The following DNAJB6 variants were observed in gnomAD, a reference collection of about 807,000 sequenced individuals.
DNAJB6 encodes DnaJ heat shock protein family (Hsp40) member B6.
Under a neutral mutation model 42.7 loss-of-function variants are expected in DNAJB6, and 16 were observed. The ratio of observed to expected loss-of-function variants is 0.37; its 90% CI spans 0.25 to 0.57. DNAJB6 has a LOEUF of 0.57. DNAJB6 is among the 20% of genes least tolerant of loss of function. DNAJB6 has a pLI of 0.74. For missense variants in DNAJB6, 347 were observed against 416.8 expected (o/e 0.83, Z 1.46); for synonymous variants, 170 against 163.5 (o/e 1.04, Z -0.30).
chr7:157,382,358 A>C lies in DNAJB6; in HGVS notation c.459A>C (p.Gly153=), dbSNP rs765102730. ...AFSGFPSFGS[G]FSSFDTGFTS... ...GTGGATTTCCGTCTTTTGGAAGTGGATTTTCTTCTTTTGATACAGGTATTA... is the reference window on the plus strand; with the variant it reads ...GTGGATTTCCGTCTTTTGGAAGTGGCTTTTCTTCTTTTGATACAGGTATTA... Residue 153 remains glycine (G), a synonymous_variant, in exon 6 of 10, where the codon GGA becomes GGC. Transcript: ENST00000262177. 3.1e-6 allele frequency: 5 copies of C among 1,593,134 alleles called. No individual in the cohort carries two copies. The Admixed American group carries it at 8.5e-5, about 27-fold the overall frequency.
At chr7:157,356,447 C>G (rs1799280757) in intron 1 of DNAJB6, among the ~76,000 whole-genome samples, 1 of 152,200 alleles carries the variant, frequency 6.6e-6, no homozygotes, top group African/African-American at 2.4e-5. Flanking sequence ...CGACTCCTGT[C>G]TTTTCTCTAG....
chr7:157,359,456 T>G (rs1799469714), intron 2 of DNAJB6, among the ~76,000 whole-genome samples: 3 of 152,180 alleles, frequency 2.0e-5, no homozygotes, highest in African/African-American at 7.2e-5. Context: ...CAAGCGATTC[T>G]CTTGCCTTGG....
intron 8 of DNAJB6, among the ~76,000 whole-genome samples, chr7:157,401,261 T>C (rs10224605): frequency 0.48 from 73,021 of 151,938 alleles, 18,239 homozygotes; most frequent in African/African-American, 0.63. Flanking sequence ...CTCTGTTGCC[T>C]AGCCTGGAGT....
Position 157,367,973 on chromosome 7 carries a change from C to G in DNAJB6, c.346+490C>G, listed in dbSNP as rs1228032956. On this transcript the variant is annotated intron_variant, in intron 5 of 9. Coordinates refer to ENST00000262177, the MANE Select transcript of DNAJB6 (RefSeq NM_058246.4). ...TGTCTCAACAACAACAAAAAAAATACTAAAAATTAGCTGAGTGTGGTGGCG... is the reference window on the plus strand; with the variant it reads ...TGTCTCAACAACAACAAAAAAAATAGTAAAAATTAGCTGAGTGTGGTGGCG... 2.6e-5 allele frequency among the ~76,000 whole-genome samples: 4 copies of G among 151,572 alleles called. No homozygotes were observed. In the East Asian group the frequency reaches 7.8e-4, roughly 29 times the overall value.
At chr7:157,339,575 A>G (rs376553969) in intron 1 of DNAJB6, among the ~76,000 whole-genome samples, 8 of 151,336 alleles carry the variant, frequency 5.3e-5, no homozygotes, top group African/African-American at 1.9e-4. Context: ...CTGGGATTAC[A>G]GGCATGAGCC....
chr7:157,395,947 A>ATT (rs60935303), intron 8 of DNAJB6, among the ~76,000 whole-genome samples: 9 of 62,882 alleles, frequency 1.4e-4, no homozygotes, highest in South Asian at 5.9e-4. Flanking sequence ...TGAGCCTGTA[A>ATT]TTTTTTTTTT....
chr7:157,390,769 T>C (rs1346638837), intron 8 of DNAJB6, among the ~76,000 whole-genome samples: 2 of 152,154 alleles, frequency 1.3e-5, no homozygotes, highest in South Asian at 2.1e-4. Context: ...TAATTGATAA[T>C]GGCGTGTGGG....
At chr7:157,345,202 C>T (rs1025265408) in intron 1 of DNAJB6, among the ~76,000 whole-genome samples, 2 of 152,128 alleles carry the variant, frequency 1.3e-5, no homozygotes, top group African/African-American at 4.8e-5. Context: ...CCATGTTGTC[C>T]AGACTGGTCT....
chr7:157,403,192 GAA>G (rs1169573385), intron 8 of DNAJB6, among the ~76,000 whole-genome samples: 102 of 152,298 alleles, frequency 6.7e-4, no homozygotes, highest in African/African-American at 2.3e-3. Flanking sequence ...GCCTTTCACT[GAA>G]TACACAATCC....
intron 1 of DNAJB6, among the ~76,000 whole-genome samples, chr7:157,351,793 G>A (rs1344937279): frequency 6.7e-6 from 1 of 150,278 alleles, no homozygotes; most frequent in East Asian, 2.0e-4. Flanking sequence ...GTGAAACCCT[G>A]TGTCTACTTT....
At position 157,363,204 on chromosome 7, in the gene DNAJB6, G is replaced by A. The variant is rs1426889039; in HGVS notation, c.109G>A (p.Glu37Lys). The A allele has an allele frequency of 6.2e-7, 1 of 1,611,456 alleles. No homozygotes were observed. ...GAAGTGGCATCCAGATAAAAATCCT[G>A]AGAATAAAGAAGAAGCAGAGAGAAA... ...ALKWHPDKNP[E>K]NKEEAERKFK... is the part of the protein sequence containing the mutation. The change falls in exon 3 of 10, where the codon GAG (glutamate) becomes AAG (lysine). Residue 37 changes from glutamate (E) to lysine (K), a missense_variant. Coordinates refer to ENST00000262177, the MANE Select transcript of DNAJB6 (RefSeq NM_058246.4).
chr7:157,338,955 C>G (rs899721371), intron 1 of DNAJB6, among the ~76,000 whole-genome samples: 1 of 152,172 alleles, frequency 6.6e-6, no homozygotes, highest in Non-Finnish European at 1.5e-5. Context: ...GAGATGAGTT[C>G]AGCACTCTCT....
intron 5 of DNAJB6, chr7:157,369,017 A>C: frequency 2.8e-6 from 1 of 356,440 alleles, no homozygotes; most frequent in Non-Finnish European, 5.5e-6. Context: ...TTGTTCTTAC[A>C]CCTTATTATG....
At chr7:157,376,520 T>A (rs1187421608) in intron 5 of DNAJB6, among the ~76,000 whole-genome samples, 2 of 152,190 alleles carry the variant, frequency 1.3e-5, no homozygotes, top group Non-Finnish European at 2.9e-5. Context: ...ACCATGCTGG[T>A]GACACAGCCT....
intron 4 of DNAJB6, among the ~76,000 whole-genome samples, chr7:157,366,762 A>AT (rs1362124199): frequency 3.3e-5 from 5 of 152,192 alleles, no homozygotes; most frequent in African/African-American, 9.6e-5. Context: ...ATGTTGATGT[A>AT]TTTTTTATAG....
intron 5 of DNAJB6, among the ~76,000 whole-genome samples, chr7:157,373,278 G>A (rs991253517): frequency 6.6e-6 from 1 of 152,164 alleles, no homozygotes; most frequent in Admixed American, 6.5e-5. Context: ...TTTTGTGCTA[G>A]TCTTTGAAAT....
At position 157,416,200 on chromosome 7, in the gene DNAJB6, T is replaced by A; in HGVS notation, c.*102T>A. On this transcript the variant is annotated 3_prime_UTR_variant, in exon 10 of 10. Transcript: ENST00000262177. The stretch of plus-strand genomic sequence containing the variant: ...TAGGTAGCAGCGTCGGTCAGGACTG[T>A]CTCGAGGCCACACTCGCTCGGCAGG... 6.6e-7 allele frequency: 1 copy of A among 1,520,232 alleles called. No individual in the cohort carries two copies. Among genetic ancestry groups the A allele is most frequent in the Non-Finnish European group, 8.9e-7 (1 of 1,123,340 alleles). The allele number at this position is 1,520,232 out of a possible 1,614,324, so 94.2% of individuals were successfully genotyped here. A position where few individuals can be genotyped will look rare whatever the true frequency, so the allele number is the denominator to read the frequency against.
intron 8 of DNAJB6, among the ~76,000 whole-genome samples, chr7:157,404,353 C>T (rs181746306): frequency 1.3e-3 from 200 of 151,510 alleles, no homozygotes; most frequent in Non-Finnish European, 2.3e-3. Context: ...TGCAGTGGTG[C>T]GATCACAGCT....
At chr7:157,397,889 G>A (rs936625130) in intron 8 of DNAJB6, among the ~76,000 whole-genome samples, 2 of 152,244 alleles carry the variant, frequency 1.3e-5, no homozygotes, top group African/African-American at 4.8e-5. Context: ...GGTGGCCCAC[G>A]CCTGTAATCC....
Sources: allele counts gnomAD v4.1 joint callset (sites outside exome capture counted in the v4.1 genomes callset), GRCh38; gene constraint gnomAD v4.1.1; transcripts MANE v1.5; gene names NCBI Gene and HGNC (gene_info 2026-07-23, HGNC 2026-07-21).